The following AOAH variants were observed in gnomAD, a reference collection of about 807,000 sequenced individuals.
AOAH encodes acyloxyacyl hydrolase (neutrophil).
In AOAH, 64 loss-of-function variants were observed where a neutral mutation model predicts 92.2. The ratio of observed to expected loss-of-function variants is 0.69; its 90% CI spans 0.57 to 0.86. AOAH has a LOEUF of 0.86. Among genes scored for constraint, AOAH ranks in the 40% least tolerant of loss-of-function variants. AOAH has a pLI of 0.00. For synonymous variants in AOAH, 263 were observed against 254.5 expected (o/e 1.03, Z -0.32); for missense variants, 656 against 694.6 (o/e 0.94, Z 0.62).
intron 15 of AOAH, among the ~76,000 whole-genome samples, chr7:36,544,051 A>T (rs1785619817): frequency 7.0e-6 from 1 of 141,854 alleles, no homozygotes; most frequent in Admixed American, 7.8e-5. Flanking sequence ...GGTTCAAGTG[A>T]TTCTCCTGCC....
intron 20 of AOAH, among the ~76,000 whole-genome samples, chr7:36,521,581 C>T (rs1444041042): frequency 6.6e-6 from 1 of 152,212 alleles, no homozygotes; most frequent in Non-Finnish European, 1.5e-5. Context: ...ACATTGTTCT[C>T]CTCCTATACA....
chr7:36,549,627 C>T (rs1188544150), intron 13 of AOAH, 152 bp from the exon 14 acceptor site: 1 of 584,138 alleles, frequency 1.7e-6, no homozygotes, highest in East Asian at 2.9e-5. Flanking sequence ...TAATTTTCTT[C>T]CAATCAGTTT....
intron 12 of AOAH, among the ~76,000 whole-genome samples, chr7:36,579,372 G>A (rs984139139): frequency 6.1e-5 from 9 of 148,268 alleles, no homozygotes; most frequent in South Asian, 2.2e-4. Context: ...CCTGAACCCC[G>A]CCCCCCCCAA....
At position 36,570,423 on chromosome 7, in the gene AOAH, C is replaced by T. The variant is rs138052767; in HGVS notation, c.1021+6151G>A. On this transcript the variant is annotated intron_variant, in intron 13 of 20. Transcript: ENST00000617537. ...CTTGATCCATTAATCTGTTGATGAA[C>T]GTTTCCACCTCTTGGCTGTTGCGAA... Among the ~76,000 whole-genome samples the T allele has an allele frequency of 9.6e-3, 1,455 of 152,322 alleles. 8 individuals carry two copies. Among genetic ancestry groups the T allele is most frequent in the Middle Eastern group, 0.031 (9 of 294 alleles).
intron 12 of AOAH, among the ~76,000 whole-genome samples, chr7:36,579,379 C>CG (rs1254827779): frequency 4.0e-5 from 5 of 125,288 alleles, no homozygotes; most frequent in African/African-American, 1.2e-4. Flanking sequence ...CCCGCCCCCC[C>CG]CAAATTGTGA....
intron 1 of AOAH, among the ~76,000 whole-genome samples, chr7:36,717,840 A>G (rs1217200696): frequency 6.6e-6 from 1 of 151,064 alleles, no homozygotes; most frequent in Non-Finnish European, 1.5e-5. Context: ...TCTGGGAAAT[A>G]AGACAAAGGA....
chr7:36,642,204 C>A (rs1584013346), intron 4 of AOAH, among the ~76,000 whole-genome samples: 2 of 151,238 alleles, frequency 1.3e-5, no homozygotes, highest in East Asian at 2.0e-4. Context: ...GCAAAAACCG[C>A]AATTACTTTT....
chr7:36,543,675 A>G (rs1785572997), intron 15 of AOAH, among the ~76,000 whole-genome samples: 1 of 152,234 alleles, frequency 6.6e-6, no homozygotes, highest in South Asian at 2.1e-4. Flanking sequence ...TTAAGCAAGC[A>G]TAATCAACAT....
chr7:36,594,963 C>G (rs577048813), intron 11 of AOAH, among the ~76,000 whole-genome samples: 5 of 152,190 alleles, frequency 3.3e-5, no homozygotes, highest in African/African-American at 1.2e-4. Flanking sequence ...TGTATTTAAC[C>G]TGGCCTGTGA....
chr7:36,518,551 C>G (rs1274792054), intron 20 of AOAH, among the ~76,000 whole-genome samples: 1 of 152,168 alleles, frequency 6.6e-6, no homozygotes, highest in African/African-American at 2.4e-5. Context: ...CTTGGCAGCT[C>G]AGGAGGTCAT....
At chr7:36,682,778 T>C (rs1796730491) in intron 2 of AOAH, among the ~76,000 whole-genome samples, 1 of 151,200 alleles carries the variant, frequency 6.6e-6, no homozygotes, top group African/African-American at 2.4e-5. Flanking sequence ...AAATAGAAGG[T>C]AGAGAGGAGG....
intron 13 of AOAH, among the ~76,000 whole-genome samples, chr7:36,565,401 T>C (rs1453609250): frequency 6.6e-6 from 1 of 152,244 alleles, no homozygotes; most frequent in Non-Finnish European, 1.5e-5. Flanking sequence ...TCTTTGCTTC[T>C]TTCCAATACT....
At chr7:36,705,273 A>T (rs1348774776) in intron 1 of AOAH, among the ~76,000 whole-genome samples, 1 of 152,210 alleles carries the variant, frequency 6.6e-6, no homozygotes. Context: ...TAAGCTGATA[A>T]GCAACTTCAG....
At chr7:36,536,133 G>A (rs1453906172) in intron 16 of AOAH, among the ~76,000 whole-genome samples, 2 of 152,126 alleles carry the variant, frequency 1.3e-5, no homozygotes, top group African/African-American at 4.8e-5. Flanking sequence ...GGGCCTCTGA[G>A]TGTCCTGCTG....
intron 13 of AOAH, among the ~76,000 whole-genome samples, chr7:36,559,828 G>C (rs1787124773): frequency 6.6e-6 from 1 of 152,098 alleles, no homozygotes; most frequent in South Asian, 2.1e-4. Flanking sequence ...GTCTAGAATG[G>C]TGTTTCCTAG....
At chr7:36,609,740 C>G (rs1291435358) in intron 11 of AOAH, among the ~76,000 whole-genome samples, 2 of 152,014 alleles carry the variant, frequency 1.3e-5, no homozygotes, top group Non-Finnish European at 2.9e-5. Flanking sequence ...CTTCTTCGTC[C>G]GCATTGCCCC....
At chr7:36,515,784 TCA>T (rs1326566596) in intron 20 of AOAH, among the ~76,000 whole-genome samples, 1 of 57,710 alleles carries the variant, frequency 1.7e-5, no homozygotes, top group African/African-American at 7.2e-5. Flanking sequence ...CACACATACA[TCA>T]CACACACACC....
rs1784135655 is a variant in AOAH, at chr7:36,522,122, G to A, written c.1523-7C>T. 1 of 1,613,772 alleles carries A rather than the reference G, an allele frequency of 6.2e-7. No individual in the cohort carries two copies. Among genetic ancestry groups the A allele is most frequent in the Non-Finnish European group, 8.5e-7 (1 of 1,179,844 alleles). On this transcript the variant is annotated splice_polypyrimidine_tract_variant and splice_region_variant and intron_variant, in intron 19 of 20. Transcript: ENST00000617537. ...TTCTGCCACTCCTGTATGACTGCAG[G>A]GCACATAACGAGAGGGTTACAGACA... is the stretch of plus-strand genomic sequence containing the variant.
chr7:36,544,643 A>G (rs985037109), intron 15 of AOAH, among the ~76,000 whole-genome samples: 1 of 152,208 alleles, frequency 6.6e-6, no homozygotes, highest in African/African-American at 2.4e-5. Flanking sequence ...GCTCACTGAC[A>G]TGCTCTCACA....
Sources: allele counts gnomAD v4.1 joint callset (sites outside exome capture counted in the v4.1 genomes callset), GRCh38; gene constraint gnomAD v4.1.1; transcripts MANE v1.5; gene names NCBI Gene and HGNC (gene_info 2026-07-23, HGNC 2026-07-21).